NYNRIN: variants seen among roughly 807,000 people sequenced by gnomAD.
The protein encoded by NYNRIN is NYN domain and retroviral integrase containing.
Under a neutral mutation model 146.6 loss-of-function variants are expected in NYNRIN, and 86 were observed. The ratio of observed to expected loss-of-function variants is 0.59; its 90% CI spans 0.49 to 0.70. The LOEUF is 0.70. Ranked by LOEUF, NYNRIN falls within the 30% of genes least tolerant of loss-of-function variation. The pLI, the probability that NYNRIN is intolerant of heterozygous loss-of-function variation, is 0.00. For synonymous variants in NYNRIN, 1,027 were observed against 1,001.3 expected (o/e 1.03, Z -0.48); for missense variants, 2,191 against 2,377.7 (o/e 0.92, Z 1.63).
At position 24,418,477 on chromosome 14, in the gene NYNRIN, C is replaced by T. The variant is rs60957474; in HGVS notation, c.*1031C>T. On this transcript the variant is annotated 3_prime_UTR_variant, in exon 9 of 9. Transcript: ENST00000382554. ...TGTGATTGCTTCATCTGTATCACCC[C>T]CCGAGTCCTGTGGACCTGCCTTCTG... 100 of 345,004 alleles carry T rather than the reference C, an allele frequency of 2.9e-4. 2 individuals carry two copies. Among genetic ancestry groups the T allele is most frequent in the South Asian group, 1.9e-3 (88 of 47,222 alleles). The allele number at this position is 345,004 out of a possible 1,614,324, so 21.4% of individuals were successfully genotyped here. A position where few individuals can be genotyped will look rare whatever the true frequency, so the allele number is the denominator to read the frequency against.
Position 24,417,195 on chromosome 14 carries a change from C to T in NYNRIN, c.5446C>T (p.Arg1816Cys), listed in dbSNP as rs772476072. Residue 1816 changes from arginine (R) to cysteine (C), a missense_variant, in exon 9 of 9, where the codon CGT (arginine) becomes TGT (cysteine). Coordinates refer to ENST00000382554, the MANE Select transcript of NYNRIN (RefSeq NM_025081.3). ...DKASEKAENR[R>C]FKRESQEKEW... is the part of the protein sequence containing the mutation. ...GGCGAGTGAAAAGGCCGAGAACAGG[C>T]GTTTCAAGCGGGAGAGCCAGGAGAA... The T allele has an allele frequency of 1.5e-5, 25 of 1,613,924 alleles. No individual in the cohort carries two copies. In the African/African-American group the frequency reaches 2.0e-4, roughly 13 times the overall value.
chr14:24,402,293 A>AG (rs2042848959), intron 2 of NYNRIN, among the ~76,000 whole-genome samples: 1 of 152,000 alleles, frequency 6.6e-6, no homozygotes, highest in African/African-American at 2.4e-5. Flanking sequence ...GTGAGTGGAG[A>AG]GGCGGGTTTT....
At chr14:24,413,190 T>C in intron 7 of NYNRIN, 92 bp downstream of exon 7, 1 of 1,331,400 alleles carries the variant, frequency 7.5e-7, no homozygotes, top group Non-Finnish European at 1.1e-6. Context: ...AAGAGAGGCC[T>C]TGGAGTAGTG....
chr14:24,402,195 G>A (rs545822986), intron 2 of NYNRIN, among the ~76,000 whole-genome samples: 15 of 152,244 alleles, frequency 9.9e-5, no homozygotes, highest in African/African-American at 3.6e-4. Context: ...TTGTTGTGGT[G>A]GGATTAAAGA....
At chr14:24,399,177 G>A (rs1233123405) in intron 1 of NYNRIN, 53 bp from the exon 2 acceptor site, 4 of 1,467,834 alleles carry the variant, frequency 2.7e-6, no homozygotes, top group Non-Finnish European at 3.7e-6. Context: ...GCTGGGGGCT[G>A]GGGCGCCTGC....
rs779079283 is a variant in NYNRIN at position 24,408,849 on chromosome 14, C to T, written c.1055C>T (p.Pro352Leu). ...TGCCCACCCTGGAAGGCCTGGACCCCGGGGCCAGCCTTTGGGCCATTGTGG... is the reference window on the plus strand; with the variant it reads ...TGCCCACCCTGGAAGGCCTGGACCCTGGGGCCAGCCTTTGGGCCATTGTGG... Reference protein sequence around the residue: ...GVCPPWKAWTPGPAFGPLWPG... With the variant: ...GVCPPWKAWTLGPAFGPLWPG... Residue 352 changes from proline to leucine, a missense_variant, in exon 4 of 9, where the codon CCG (proline) becomes CTG (leucine). Physicochemically the swap from Pro to Leu is moderately conservative, Grantham distance 98 (BLOSUM62 -3). Coordinates refer to ENST00000382554, the MANE Select transcript of NYNRIN (RefSeq NM_025081.3). The T allele has an allele frequency of 1.9e-5, 30 of 1,613,894 alleles. No homozygotes were observed. The Admixed American group carries it at 2.5e-4, about 13-fold the overall frequency.
intron 4 of NYNRIN, 86 bp downstream of exon 4, chr14:24,410,294 T>C (rs2042904874): frequency 1.8e-6 from 2 of 1,099,408 alleles, no homozygotes; most frequent in Non-Finnish European, 2.6e-6. Context: ...GGGCATCCCT[T>C]CCCAACCTTC....
In NYNRIN at chr14:24,415,307, A is replaced by G; in HGVS notation, c.3558A>G (p.Ile1186Met). 6.2e-7 allele frequency: 1 copy of G among 1,613,866 alleles called. No individual in the cohort carries two copies. The highest frequency in any genetic ancestry group is 8.5e-7 in the Non-Finnish European group (1 of 1,179,832). ...AGCACTCAGGGAGGAAGCACCCCAT[A>G]GCCTATACCTCAAAACCCCTCCTCC... ...HQEHSGRKHP[I>M]AYTSKPLLPD... Residue 1186 changes from isoleucine to methionine, a missense_variant, in exon 9 of 9, where the codon ATA (isoleucine) becomes ATG (methionine). Physicochemically the swap from Ile to Met is conservative, Grantham distance 10 (BLOSUM62 1). Coordinates refer to ENST00000382554, the MANE Select transcript of NYNRIN (RefSeq NM_025081.3).
chr14:24,408,125 G>C lies in NYNRIN; in HGVS notation c.455G>C (p.Arg152Pro), dbSNP rs757243958. Reference protein sequence around the residue: ...RWGPAPLLTPRGIWEAEVTRA... With the variant: ...RWGPAPLLTPPGIWEAEVTRA... The stretch of plus-strand genomic sequence containing the variant: ...GGCCCTGCCCCTCTGCTGACCCCCC[G>C]GGGGATCTGGGAGGCTGAGGTGACC... Residue 152 changes from arginine to proline, a missense_variant, in exon 3 of 9, where the codon CGG becomes CCG. Physicochemically the swap from Arg to Pro is moderately radical, Grantham distance 103 (BLOSUM62 -2). This residue lies in a region of NYNRIN where 895 missense variants were observed against 941.2 expected (regional missense o/e 0.95). Coordinates refer to ENST00000382554, the MANE Select transcript of NYNRIN (RefSeq NM_025081.3). 9 of 1,609,090 alleles carry C rather than the reference G, an allele frequency of 5.6e-6. No homozygotes were observed. The highest frequency in any genetic ancestry group is 5.0e-5 in the Admixed American group (3 of 59,716).
intron 6 of NYNRIN, 123 bp from the exon 7 acceptor site, chr14:24,412,874 T>C: frequency 1.6e-6 from 1 of 629,572 alleles, no homozygotes; most frequent in South Asian, 1.9e-5. Context: ...GATTTCTGAG[T>C]AGGAAGGGCA....
chr14:24,417,141 C>T lies in NYNRIN; in HGVS notation c.5392C>T (p.Leu1798=). 1 of 1,613,994 alleles carries T rather than the reference C, an allele frequency of 6.2e-7. No individual in the cohort carries two copies. Among genetic ancestry groups the T allele is most frequent in the Non-Finnish European group, 8.5e-7 (1 of 1,179,864 alleles). ...VFLLQLVGEL[L]ELHWRVADKA... is the part of the protein sequence containing the mutation. ...CCTGCTACAGCTGGTGGGGGAGCTG[C>T]TGGAGCTCCACTGGAGGGTGGCTGA... The change falls in exon 9 of 9, where the codon CTG becomes TTG. Residue 1798 remains leucine (L), a synonymous_variant. Coordinates refer to ENST00000382554, the MANE Select transcript of NYNRIN (RefSeq NM_025081.3).
rs144603015 is a variant in NYNRIN, at chr14:24,418,916, C to T, written c.*1470C>T. 2.6e-5 allele frequency: 4 copies of T among 152,348 alleles called. No homozygotes were observed. Among genetic ancestry groups the T allele is most frequent in the East Asian group, 1.9e-4 (1 of 5,188 alleles). 9.4% of individuals were successfully genotyped at this position (152,348 alleles called of 1,614,324 possible). ...CAGTTCACCATGAAAAGGGTTCTGG[C>T]AACAGGTTCAAGCTGGAGAATCCTT... On this transcript the variant is annotated 3_prime_UTR_variant, in exon 9 of 9. Transcript: ENST00000382554.
chr14:24,410,231 T>G (rs1594740703), intron 4 of NYNRIN, 23 bp downstream of exon 4: 3 of 1,514,914 alleles, frequency 2.0e-6, no homozygotes, highest in Non-Finnish European at 2.7e-6. Context: ...GGGCGTGGGG[T>G]GGGCTGGGGA....
chr14:24,411,603 G>T lies in NYNRIN; in HGVS notation c.2642+153G>T, dbSNP rs1315401161. 1.3e-5 allele frequency among the ~76,000 whole-genome samples: 2 copies of T among 152,180 alleles called. No individual in the cohort carries two copies. The highest frequency in any genetic ancestry group is 2.9e-5 in the Non-Finnish European group (2 of 68,034). On this transcript the variant is annotated intron_variant, in intron 6 of 8. Transcript: ENST00000382554. The surrounding 1 kb of genome is among the most constrained non-coding windows in gnomAD (Gnocchi z 4.3). ...AGGGTGGGGTGGAGCACGGGCATCT[G>T]TCAGCAGAGGGATGGGCACATTGAG... is the stretch of plus-strand genomic sequence containing the variant.
At chr14:24,410,313 G>A (rs62000679) in intron 4 of NYNRIN, 105 bp downstream of exon 4, 142,936 of 886,622 alleles carry the variant, frequency 0.16, 12,463 homozygotes, top group Non-Finnish European at 0.17. Flanking sequence ...TCCTATGGGC[G>A]ACATGGGGAA....
chr14:24,408,584 A>G, intron 3 of NYNRIN, 57 bp downstream of exon 3: 3 of 1,536,564 alleles, frequency 2.0e-6, no homozygotes, highest in Non-Finnish European at 2.6e-6. Flanking sequence ...CCCCTACCCT[A>G]AGGAAATAGT....
chr14:24,417,606 AC>A lies in NYNRIN; in HGVS notation c.*162del. The A allele has an allele frequency of 1.9e-6, 2 of 1,040,242 alleles. No individual in the cohort carries two copies. The highest frequency in any genetic ancestry group is 2.6e-6 in the Non-Finnish European group (2 of 776,910). The allele number at this position is 1,040,242 out of a possible 1,614,324, so 64.4% of individuals were successfully genotyped here. A position where few individuals can be genotyped will look rare whatever the true frequency, so the allele number is the denominator to read the frequency against. On this transcript the variant is annotated 3_prime_UTR_variant, in exon 9 of 9. Coordinates refer to ENST00000382554, the MANE Select transcript of NYNRIN (RefSeq NM_025081.3). The stretch of plus-strand genomic sequence containing the variant: ...TTTGCTGAATTGCCTTGAACTAGGG[AC>A]CAGCATCCCCATGGAAACATCCCCA...
intron 2 of NYNRIN, among the ~76,000 whole-genome samples, chr14:24,399,718 G>T (rs909591511): frequency 6.6e-6 from 1 of 152,028 alleles, no homozygotes; most frequent in East Asian, 1.9e-4. Context: ...GCACCTCCTC[G>T]GTGTGTGTCC....
intron 2 of NYNRIN, among the ~76,000 whole-genome samples, chr14:24,406,895 A>G (rs4982908): frequency 0.41 from 62,400 of 152,202 alleles, 13,585 homozygotes; most frequent in East Asian, 0.71. Context: ...TAAAGATGGC[A>G]AGTGTGTGCC....
Sources: allele counts gnomAD v4.1 joint callset (sites outside exome capture counted in the v4.1 genomes callset), GRCh38; gene constraint gnomAD v4.1.1; regional missense constraint gnomAD v4.1.1; non-coding constraint Gnocchi (gnomAD v3.1); transcripts MANE v1.5; gene names NCBI Gene and HGNC (gene_info 2026-07-23, HGNC 2026-07-21).